The following CYP4F11 variants were observed in gnomAD, a reference collection of about 807,000 sequenced individuals.
CYP4F11 encodes the protein cytochrome P450 4F11.
A neutral mutation model predicts 62.2 loss-of-function variants in CYP4F11; 79 were observed. That is an observed-to-expected ratio of 1.27 (90% CI 1.06 to 1.53). The LOEUF (loss-of-function observed/expected upper bound fraction) is 1.53, where lower values mean the gene tolerates loss of function less well. Ranked by LOEUF, CYP4F11 falls within the 40% of genes most tolerant of loss-of-function variation. The pLI is 0.00. For synonymous variants in CYP4F11, 290 were observed against 263.7 expected, an observed-to-expected ratio of 1.10 and a Z score of -0.97; for missense variants, 777 against 680.5, an observed-to-expected ratio of 1.14 and a Z score of -1.58.
Position 15,923,883 on chromosome 19 carries a change from T to C in CYP4F11, c.847A>G (p.Ile283Val), listed in dbSNP as rs1186896434. The C allele has an allele frequency of 6.2e-7, 1 of 1,614,172 alleles. No homozygotes were observed. Among genetic ancestry groups the C allele is most frequent in the South Asian group, 1.1e-5 (1 of 91,082 alleles). ...ERRCTLPTQG[I>V]DDFLKNKAKS... ...GCCTTGTTCTTGAGGAAATCATCAA[T>C]ACCCTGAGTGGGGAGGGTGCAGCGC... Residue 283 changes from isoleucine to valine, a missense_variant, in exon 6 of 12, where the codon ATT (isoleucine) becomes GTT (valine). Transcript: ENST00000402119.
chr19:15,929,396 G>T, intron 2 of CYP4F11, 61 bp downstream of exon 2: 16 of 1,607,416 alleles, frequency 1.0e-5, no homozygotes, highest in Non-Finnish European at 1.4e-5. Flanking sequence ...TTGGGGAGGG[G>T]AGAGGCTAGA....
chr19:15,922,460 C>T, intron 6 of CYP4F11, 30 bp from the exon 7 acceptor site: 1 of 1,607,378 alleles, frequency 6.2e-7, no homozygotes, highest in Non-Finnish European at 8.5e-7. Flanking sequence ...ATATCCCTGC[C>T]CCAAATCACA....
rs567740948 is a variant in CYP4F11 at position 15,920,605 on chromosome 19, G to A, written c.1115+1432C>T. Among the ~76,000 whole-genome samples, 137 of 152,292 alleles carry A rather than the reference G, an allele frequency of 9.0e-4. 1 individual carries two copies. Among genetic ancestry groups the A allele is most frequent in the Admixed American group, 3.1e-3 (47 of 15,302 alleles). On this transcript the variant is annotated intron_variant, in intron 8 of 11. Coordinates refer to ENST00000402119, the MANE Select transcript of CYP4F11 (RefSeq NM_021187.4). ...TAAGGGCACTACCTTCAAAAGGCCT[G>A]TCCAGCTCAATGTCTCCTCTCCATC...
chr19:15,915,994 A>G (rs2089580859), intron 8 of CYP4F11, among the ~76,000 whole-genome samples: 1 of 152,100 alleles, frequency 6.6e-6, no homozygotes. Flanking sequence ...ATGAATTTAT[A>G]CATTTCCCTC....
Position 15,929,453 on chromosome 19 carries a change from G to A in CYP4F11, c.343+4C>T, listed in dbSNP as rs1299545662. 2 of 1,614,078 alleles carry A rather than the reference G, an allele frequency of 1.2e-6. No individual in the cohort carries two copies. The highest frequency in any genetic ancestry group is 1.1e-5 in the South Asian group (1 of 91,076). On this transcript the variant is annotated splice_donor_region_variant and intron_variant, in intron 2 of 11. Coordinates refer to ENST00000402119, the MANE Select transcript of CYP4F11 (RefSeq NM_021187.4). ...CCCCACTACCACAAGCTCTGCACGG[G>A]TACCTGAGGCACTGGTGATAGGCCG...
chr19:15,922,476 T>A, intron 6 of CYP4F11, 46 bp from the exon 7 acceptor site: 1 of 1,588,442 alleles, frequency 6.3e-7, no homozygotes, highest in South Asian at 1.1e-5. Flanking sequence ...TCACACCAGC[T>A]CTGAAGGCTC....
intron 2 of CYP4F11, chr19:15,928,196 A>G (rs192502499): frequency 6.6e-6 from 1 of 152,318 alleles, no homozygotes; most frequent in Non-Finnish European, 1.5e-5. Context: ...TAAAAAGACA[A>G]TCTCACACTA....
At chr19:15,922,453 T>C in intron 6 of CYP4F11, 23 bp from the exon 7 acceptor site, 2 of 1,612,268 alleles carry the variant, frequency 1.2e-6, no homozygotes, top group Non-Finnish European at 1.7e-6. Context: ...CAAGACAATA[T>C]CCCTGCCCCA....
At chr19:15,923,370 C>T (rs1318865413) in intron 6 of CYP4F11, among the ~76,000 whole-genome samples, 2 of 151,754 alleles carry the variant, frequency 1.3e-5, no homozygotes, top group African/African-American at 2.4e-5. Context: ...TACTGTGGGG[C>T]CCCTCTCTGC....
rs558232664 is a variant in CYP4F11, at chr19:15,916,585, A to C, written c.1116-1690T>G. Among the ~76,000 whole-genome samples the C allele has an allele frequency of 3.3e-5, 5 of 152,288 alleles. No individual in the cohort carries two copies. In the East Asian group the frequency reaches 9.7e-4, roughly 29 times the overall value. ...AACTCAAACAAATCAGCAAGCAAAA[A>C]ATCAAATAACCCCATCAAAAAGTAG... On this transcript the variant is annotated intron_variant, in intron 8 of 11. Coordinates refer to ENST00000402119, the MANE Select transcript of CYP4F11 (RefSeq NM_021187.4).
At chr19:15,926,511 G>C (rs1430804996) in intron 4 of CYP4F11, among the ~76,000 whole-genome samples, 2 of 152,182 alleles carry the variant, frequency 1.3e-5, no homozygotes, top group Non-Finnish European at 2.9e-5. Context: ...CTTCTATTAA[G>C]AGATGGAGAC....
In CYP4F11 at chr19:15,934,364, T is replaced by A. The variant is rs574353329; in HGVS notation, c.45A>T (p.Ala15=). 1 of 1,613,346 alleles carries A rather than the reference T, an allele frequency of 6.2e-7. No homozygotes were observed. The highest frequency in any genetic ancestry group is 2.2e-5 in the East Asian group (1 of 44,844). The stretch of plus-strand genomic sequence containing the variant: ...GCAGCAGAAGCAGCCACGGGGATGC[T>A]GCCACGGGCCCGAGGCCCAGCCAGG... The part of the protein sequence containing the change: ...SLSWLGLGPV[A]ASPWLLLLLV... Residue 15 remains alanine, a synonymous_variant, in exon 1 of 12, where the codon GCA becomes GCT. Coordinates refer to ENST00000402119, the MANE Select transcript of CYP4F11 (RefSeq NM_021187.4).
chr19:15,929,198 G>A (rs1298373524), intron 2 of CYP4F11, among the ~76,000 whole-genome samples: 3 of 152,172 alleles, frequency 2.0e-5, no homozygotes, highest in Non-Finnish European at 2.9e-5. Context: ...GGGCTTTCTC[G>A]AGGACAGGGC....
chr19:15,914,609 T>C lies in CYP4F11; in HGVS notation c.1307A>G (p.Asp436Gly). Residue 436 changes from aspartate (D) to glycine (G), a missense_variant, in exon 10 of 12, where the codon GAC becomes GGC. Coordinates refer to ENST00000402119, the MANE Select transcript of CYP4F11 (RefSeq NM_021187.4). ...GGGTGAGGGAGGCACTACCTCAGGG[T>C]CTGGCCACACAGTTGGGTTGTAATG... ...GIHYNPTVWP[D>G]PEVYDPFRFD... The C allele has an allele frequency of 6.2e-7, 1 of 1,614,112 alleles. No homozygotes were observed. The highest frequency in any genetic ancestry group is 8.5e-7 in the Non-Finnish European group (1 of 1,179,996).
rs988550925 is a variant in CYP4F11 at position 15,914,802 on chromosome 19, C to T, written c.1209G>A (p.Thr403=). ...PPVPVISRCC[T]QDFVLPDGRV... ...GGCCGTCTGGGAGCACAAAGTCCTG[C>T]GTGCAACATCGGGAGATGACCGGGA... The change falls in exon 9 of 12, where the codon ACG becomes ACA. Residue 403 remains threonine, a synonymous_variant. Coordinates refer to ENST00000402119, the MANE Select transcript of CYP4F11 (RefSeq NM_021187.4). 16 of 1,614,040 alleles carry T rather than the reference C, an allele frequency of 9.9e-6. No individual in the cohort carries two copies. The African/African-American group carries it at 1.2e-4, about 12-fold the overall frequency.
chr19:15,923,818 C>T lies in CYP4F11; in HGVS notation c.912G>A (p.Leu304=). 6.2e-7 allele frequency: 1 copy of T among 1,611,912 alleles called. No individual in the cohort carries two copies. The highest frequency in any genetic ancestry group is 8.5e-7 in the Non-Finnish European group (1 of 1,178,112). The change falls in exon 6 of 12, where the codon CTG becomes CTA. Residue 304 remains leucine (L), a synonymous_variant. Transcript: ENST00000402119. ...ACATCCCAGAGAAGCCTACCTTGCT[C>T]AGCAGAAGCACATCAATGAAGTCTA... ...KTLDFIDVLL[L]SKDEDGKELS...
intron 10 of CYP4F11, 78 bp from the exon 11 acceptor site, chr19:15,914,465 C>G: frequency 1.3e-6 from 2 of 1,550,252 alleles, no homozygotes; most frequent in Non-Finnish European, 1.8e-6. Flanking sequence ...CCAAGACCCC[C>G]GGCCTTGGAG....
intron 1 of CYP4F11, among the ~76,000 whole-genome samples, chr19:15,933,997 T>C (rs1264418777): frequency 8.9e-6 from 1 of 112,342 alleles, no homozygotes; most frequent in African/African-American, 3.1e-5. Context: ...GAGGAATGAG[T>C]GAGTGGGCAG....
In CYP4F11 at chr19:15,933,183, A is replaced by G. The variant is rs201356350; in HGVS notation, c.198+1028T>C. On this transcript the variant is annotated intron_variant, in intron 1 of 11. Coordinates refer to ENST00000402119, the MANE Select transcript of CYP4F11 (RefSeq NM_021187.4). ...GAGTGGGGAGAGGAATGAGTGAGTGAGGAGAGGAATGAGTGAGTGAGGAGA... is the reference window on the plus strand; with the variant it reads ...GAGTGGGGAGAGGAATGAGTGAGTGGGGAGAGGAATGAGTGAGTGAGGAGA... 3.6e-4 allele frequency among the ~76,000 whole-genome samples: 7 copies of G among 19,426 alleles called. 1 individual carries two copies. Among genetic ancestry groups the G allele is most frequent in the Admixed American group, 2.3e-3 (4 of 1,728 alleles). 12.7% of individuals were successfully genotyped at this position (19,426 alleles called of 152,430 possible). A position where few individuals can be genotyped will look rare whatever the true frequency, so the allele number is the denominator to read the frequency against.
Sources: gnomAD v4.1 joint callset for allele counts (sites outside exome capture counted in the v4.1 genomes callset) on GRCh38, gnomAD v4.1.1 for gene constraint, MANE v1.5 for transcripts, NCBI Gene and HGNC (gene_info 2026-07-23, HGNC 2026-07-21) for gene names.